The following EHHADH variants were observed in gnomAD, a reference collection of about 807,000 sequenced individuals.
EHHADH encodes the protein enoyl-CoA hydratase and 3-hydroxyacyl CoA dehydrogenase, also known as peroxisomal bifunctional enzyme.
A neutral mutation model predicts 64.4 loss-of-function variants in EHHADH; 48 were observed. The ratio of observed to expected loss-of-function variants is 0.75; its 90% CI spans 0.59 to 0.95. The LOEUF is 0.95. EHHADH is among the 40% of genes least tolerant of loss of function. The probability of loss-of-function intolerance (pLI) is 0.00; values close to 1 mark genes in which losing one functional copy is unlikely to be tolerated. For synonymous variants in EHHADH, 308 were observed against 326.7 expected, an observed-to-expected ratio of 0.94 and a Z score of 0.62; for missense variants, 854 against 876.6, an observed-to-expected ratio of 0.97 and a Z score of 0.33.
rs55752621 is a variant in EHHADH at position 185,192,290 on chromosome 3, G to A, written c.2108C>T (p.Ser703Phe). Residue 703 changes from serine (S) to phenylalanine (F), a missense_variant, in exon 7 of 7, where the codon TCT becomes TTT. Ser to Phe is a radical substitution (Grantham distance 155). Transcript: ENST00000231887. ...EPSDYLKKLA[S>F]QGNPPLKEWQ... is the part of the protein sequence containing the mutation. ...TTCTTTCAGGGGAGGGTTTCCCTGA[G>A]AAGCCAGTTTTTTTAGATAGTCACT... is the stretch of plus-strand genomic sequence containing the variant. 0.012 allele frequency: 19,285 copies of A among 1,614,160 alleles called. 141 individuals carry two copies. The highest frequency in any genetic ancestry group is 0.018 in the Middle Eastern group (110 of 6,060).
rs578153087 is a variant in EHHADH, at chr3:185,196,820, G to A, written c.911-3333C>T. 3.3e-5 allele frequency among the ~76,000 whole-genome samples: 5 copies of A among 152,160 alleles called. No homozygotes were observed. The South Asian group carries it at 6.2e-4, about 19-fold the overall frequency. On this transcript the variant is annotated intron_variant, in intron 6 of 6. Transcript: ENST00000231887. The stretch of plus-strand genomic sequence containing the variant: ...AGTTCAAGACCAGCCTGGCCAACAC[G>A]GCAAAATCCTGTTTCTACCAGAAAT...
rs1382116866 is a variant in EHHADH, at chr3:185,216,149, T to C, written c.568+1987A>G. On this transcript the variant is annotated intron_variant, in intron 5 of 6. Transcript: ENST00000231887. The surrounding 1 kb of genome is among the most constrained non-coding windows in gnomAD (Gnocchi z 5.3). The stretch of plus-strand genomic sequence containing the variant: ...AAGTAAAAATGCTTAATTTAATGTT[T>C]ACAATTAATTTTAAATTGTGAATAA... Among the ~76,000 whole-genome samples, 1 of 152,242 alleles carries C rather than the reference T, an allele frequency of 6.6e-6. No homozygotes were observed. The highest frequency in any genetic ancestry group is 1.5e-5 in the Non-Finnish European group (1 of 68,040).
chr3:185,254,038 G>A lies in EHHADH; in HGVS notation c.-16C>T. On this transcript the variant is annotated 5_prime_UTR_variant, in exon 1 of 7. Transcript: ENST00000231887. ...ACTCGGCCATGTTTCCTCTATCACC[G>A]AGGGCACCTCTGCCTCTCGCCGTCA... The A allele has an allele frequency of 1.2e-6, 2 of 1,612,312 alleles. No individual in the cohort carries two copies. Among genetic ancestry groups the A allele is most frequent in the East Asian group, 2.2e-5 (1 of 44,788 alleles).
intron 6 of EHHADH, among the ~76,000 whole-genome samples, chr3:185,194,800 C>A (rs75037152): frequency 2.7e-4 from 8 of 29,300 alleles, no homozygotes; most frequent in Non-Finnish European, 3.8e-4. Context: ...GACCCTGTCT[C>A]AAAAAAAAAA....
At chr3:185,225,673 A>C (rs551995856) in intron 4 of EHHADH, among the ~76,000 whole-genome samples, 1 of 152,240 alleles carries the variant, frequency 6.6e-6, no homozygotes, top group Admixed American at 6.5e-5. Context: ...TAACCTTCCA[A>C]GCCCAAAAAG....
chr3:185,206,813 G>A (rs1225707301), intron 5 of EHHADH, among the ~76,000 whole-genome samples: 3 of 151,242 alleles, frequency 2.0e-5, no homozygotes, highest in Non-Finnish European at 4.4e-5. Flanking sequence ...GGGTGACAGA[G>A]CGAGACTCTG....
In EHHADH at chr3:185,206,162, A is replaced by G. The variant is rs534587651; in HGVS notation, c.569-1405T>C. 2.0e-5 allele frequency among the ~76,000 whole-genome samples: 3 copies of G among 152,308 alleles called. No homozygotes were observed. In the South Asian group the frequency reaches 6.2e-4, roughly 32 times the overall value. ...GACATGGTAACAGATGCACACAAGC[A>G]TACTGTGACCCTAAAGCAACAACAC... On this transcript the variant is annotated intron_variant, in intron 5 of 6. Transcript: ENST00000231887.
intron 3 of EHHADH, among the ~76,000 whole-genome samples, chr3:185,229,987 A>C (rs779991674): frequency 6.6e-6 from 1 of 152,216 alleles, no homozygotes; most frequent in Non-Finnish European, 1.5e-5. Context: ...ATAAAAGACA[A>C]GCAACCTGTT....
intron 6 of EHHADH, among the ~76,000 whole-genome samples, chr3:185,196,545 C>T (rs1373644031): frequency 6.6e-6 from 1 of 152,004 alleles, no homozygotes; most frequent in African/African-American, 2.4e-5. Context: ...GAGGCTGAGG[C>T]AGGAGAATCG....
rs146633671 is a variant in EHHADH, at chr3:185,204,755, G to A, written c.571C>T (p.Gln191Ter). Residue 191 changes from glutamine to a stop codon, truncating the protein, a stop_gained and splice_region_variant, in exon 6 of 7, where the codon CAA becomes TAA. Transcript: ENST00000231887. LOFTEE classifies it high-confidence loss of function. ...CAGAGTCTACGGGATTCTAGAGGTT[G>A]ATCTGAAAGGAATAAGAAGGATCAG... ...AIRFAQRVSD[Q>*]PLESRRLCNK... 5.6e-6 allele frequency: 9 copies of A among 1,599,382 alleles called. No individual in the cohort carries two copies. The highest frequency in any genetic ancestry group is 7.7e-6 in the Non-Finnish European group (9 of 1,169,878).
chr3:185,194,609 TAACAACAACAAC>T (rs35024076), intron 6 of EHHADH, among the ~76,000 whole-genome samples: 41 of 144,518 alleles, frequency 2.8e-4, no homozygotes, highest in Middle Eastern at 3.5e-3. Context: ...TGAAACTCTG[TAACAACAACAAC>T]AACAACAACA....
At chr3:185,236,481 C>A (rs1054579761) in intron 2 of EHHADH, among the ~76,000 whole-genome samples, 1 of 140,428 alleles carries the variant, frequency 7.1e-6, no homozygotes, top group Admixed American at 7.2e-5. Flanking sequence ...TTAGAGCATA[C>A]CATAAAATCA....
rs1312291764 is a variant in EHHADH at position 185,192,210 on chromosome 3, A to T, written c.*16T>A. The T allele has an allele frequency of 1.2e-6, 2 of 1,601,524 alleles. No individual in the cohort carries two copies. The highest frequency in any genetic ancestry group is 3.4e-5 in the Admixed American group (2 of 58,482). On this transcript the variant is annotated 3_prime_UTR_variant, in exon 7 of 7. Transcript: ENST00000231887. The stretch of plus-strand genomic sequence containing the variant: ...TACCTGATGCTAGCATGTGAGGCAT[A>T]ATCTGGAAGACTGAATCACAATTTA...
chr3:185,218,196 C>T lies in EHHADH; in HGVS notation c.508G>A (p.Asp170Asn), dbSNP rs777180874. 3 of 1,606,780 alleles carry T rather than the reference C, an allele frequency of 1.9e-6. No individual in the cohort carries two copies. In the Admixed American group the frequency reaches 5.1e-5, roughly 27 times the overall value. ...ADEALKLGIL[D>N]KVVNSDPVEE... Reference sequence around the variant, plus strand: ...ACCGGGTCTGAGTTTACAACTTTATCTAGAATGCCCAGCTTGAGTGCTTCA... The same window carrying T: ...ACCGGGTCTGAGTTTACAACTTTATTTAGAATGCCCAGCTTGAGTGCTTCA... Residue 170 changes from aspartate to asparagine, a missense_variant, in exon 5 of 7, where the codon GAT becomes AAT. Asp to Asn is a conservative substitution (Grantham distance 23). Coordinates refer to ENST00000231887, the MANE Select transcript of EHHADH (RefSeq NM_001966.4).
At chr3:185,237,304 T>C (rs996984758) in intron 2 of EHHADH, among the ~76,000 whole-genome samples, 2 of 152,244 alleles carry the variant, frequency 1.3e-5, no homozygotes, top group African/African-American at 4.8e-5. Context: ...TATTGTATCT[T>C]CTGAATAATG....
chr3:185,249,119 T>C lies in EHHADH; in HGVS notation c.75-602A>G, dbSNP rs138623306. On this transcript the variant is annotated intron_variant, in intron 1 of 6. Coordinates refer to ENST00000231887, the MANE Select transcript of EHHADH (RefSeq NM_001966.4). ...AACACTTGGTTTTTACTTGAATATA[T>C]GTGATATGGTTTGGCTCTTTTTTTT... 2.0e-5 allele frequency among the ~76,000 whole-genome samples: 3 copies of C among 152,246 alleles called. No individual in the cohort carries two copies. The East Asian group carries it at 5.8e-4, about 29-fold the overall frequency.
At position 185,192,404 on chromosome 3, in the gene EHHADH, A is replaced by T. The variant is rs1717901833; in HGVS notation, c.1994T>A (p.Phe665Tyr). ...GWPRHKGGPM[F>Y]YASTVGLPTV... is the part of the protein sequence containing the mutation. ...GGGCAACCCAACTGTGGAAGCATAG[A>T]ACATGGGCCCGCCCTTGTGCCTTGG... The change falls in exon 7 of 7, where the codon TTC becomes TAC. Residue 665 changes from phenylalanine (F) to tyrosine (Y), a missense_variant. Phe to Tyr is a conservative substitution (Grantham distance 22). Transcript: ENST00000231887. 6.2e-7 allele frequency: 1 copy of T among 1,614,096 alleles called. No individual in the cohort carries two copies. Among genetic ancestry groups the T allele is most frequent in the Non-Finnish European group, 8.5e-7 (1 of 1,180,046 alleles).
intron 1 of EHHADH, among the ~76,000 whole-genome samples, chr3:185,251,336 A>G (rs1418337511): frequency 6.6e-6 from 1 of 152,194 alleles, no homozygotes; most frequent in Non-Finnish European, 1.5e-5. Context: ...CAATATACCA[A>G]GTAAGGATAG....
intron 3 of EHHADH, among the ~76,000 whole-genome samples, chr3:185,232,333 G>A (rs1445456481): frequency 6.6e-6 from 1 of 152,136 alleles, no homozygotes; most frequent in East Asian, 1.9e-4. Context: ...GAGCACTTAG[G>A]ACATATATGT....
Sources: gnomAD v4.1 joint callset for allele counts (sites outside exome capture counted in the v4.1 genomes callset) on GRCh38, gnomAD v4.1.1 for gene constraint, Gnocchi (gnomAD v3.1) non-coding constraint, MANE v1.5 for transcripts, NCBI Gene and HGNC (gene_info 2026-07-23, HGNC 2026-07-21) for gene names.